Variants in RAB27A observed in about 807,000 individuals in gnomAD.
RAB27A encodes RAB27A, member RAS oncogene family.
RAB27A carries 17 observed loss-of-function variants against 20.8 expected under a neutral mutation model. The observed-to-expected ratio is 0.82, with a 90% CI of 0.56 to 1.23. The LOEUF is 1.23. Among genes scored for constraint, RAB27A ranks in the 50% most tolerant of loss-of-function variants. The pLI is 0.00. For synonymous variants in RAB27A, 85 were observed against 92.8 expected, an observed-to-expected ratio of 0.92 and a Z score of 0.48; for missense variants, 277 against 266.7, an observed-to-expected ratio of 1.04 and a Z score of -0.27.
chr15:55,275,918 T>TAAAAAAAAAAAAA (rs60106785), intron 1 of RAB27A, among the ~76,000 whole-genome samples: 2 of 104,130 alleles, frequency 1.9e-5, no homozygotes, highest in African/African-American at 3.8e-5. Flanking sequence ...GATGGCTAAT[T>TAAAAAAAAAAAAA]AAAAAAAAAA....
At position 55,311,470 on chromosome 15, in the gene RAB27A, G is replaced by A. The variant is rs529884935; in HGVS notation, c.-112+2569C>T. Among the ~76,000 whole-genome samples the A allele has an allele frequency of 1.6e-4, 22 of 137,216 alleles. 1 individual carries two copies. Among genetic ancestry groups the A allele is most frequent in the African/African-American group, 5.5e-4 (22 of 39,996 alleles). The allele number at this position is 137,216 out of a possible 152,430, so 90.0% of individuals were successfully genotyped here. ...CTCCTTTTGGACAGTTTGGGTTGAAGGGGGGTCCTTATTAGTTGGGGAAGG... is the reference window on the plus strand; with the variant it reads ...CTCCTTTTGGACAGTTTGGGTTGAAAGGGGGTCCTTATTAGTTGGGGAAGG... On this transcript the variant is annotated intron_variant, in intron 2 of 5. Coordinates refer to the RAB27A transcript ENST00000563262.
intron 2 of RAB27A, among the ~76,000 whole-genome samples, chr15:55,261,601 C>T (rs1595727851): frequency 7.2e-6 from 1 of 138,644 alleles, no homozygotes. Flanking sequence ...GTTAGCTAGG[C>T]TTGGGGGCGT....
chr15:55,312,437 T>G lies in RAB27A; in HGVS notation c.-112+1602A>C, dbSNP rs73415523. Among the ~76,000 whole-genome samples, 689 of 152,322 alleles carry G rather than the reference T, an allele frequency of 4.5e-3. 3 individuals are homozygous for G. Among genetic ancestry groups the G allele is most frequent in the African/African-American group, 0.016 (650 of 41,562 alleles). The stretch of plus-strand genomic sequence containing the variant: ...CTGTAAGGGGAATTGCTAGGCCATA[T>G]AGTAGCTCTACGTTTAACCATTTGA... On this transcript the variant is annotated intron_variant, in intron 2 of 5. Transcript: ENST00000563262.
intron 2 of RAB27A, among the ~76,000 whole-genome samples, chr15:55,309,787 C>A (rs983672264): frequency 6.6e-6 from 1 of 152,088 alleles, no homozygotes; most frequent in Non-Finnish European, 1.5e-5. Context: ...CTTGCACTAA[C>A]CTCCACTGTC....
chr15:55,241,296 A>G (rs1052288552), intron 2 of RAB27A, among the ~76,000 whole-genome samples: 3 of 152,110 alleles, frequency 2.0e-5, no homozygotes, highest in African/African-American at 7.2e-5. Context: ...AATGACCTTA[A>G]TTTGGGATAT....
chr15:55,230,745 A>G (rs1389404448), intron 3 of RAB27A, among the ~76,000 whole-genome samples: 1 of 152,210 alleles, frequency 6.6e-6, no homozygotes, highest in Non-Finnish European at 1.5e-5. Context: ...TATAATAATT[A>G]GTTTACCTTT....
chr15:55,243,994 G>A (rs1288890632), intron 2 of RAB27A, among the ~76,000 whole-genome samples: 1 of 152,018 alleles, frequency 6.6e-6, no homozygotes. Context: ...AATAAACATG[G>A]AAAAGGAATA....
chr15:55,232,999 C>T (rs1437215789), intron 3 of RAB27A, among the ~76,000 whole-genome samples: 2 of 152,044 alleles, frequency 1.3e-5, no homozygotes, highest in Non-Finnish European at 2.9e-5. Flanking sequence ...GTGGCGGGTG[C>T]CTGTAATCCT....
At chr15:55,214,500 C>T (rs1409554485) in intron 6 of RAB27A, among the ~76,000 whole-genome samples, 1 of 152,242 alleles carries the variant, frequency 6.6e-6, no homozygotes, top group Non-Finnish European at 1.5e-5. Context: ...TGTTTATCCA[C>T]CCACCTGTGA....
intron 2 of RAB27A, among the ~76,000 whole-genome samples, chr15:55,242,374 T>C (rs1278145918): frequency 1.3e-5 from 2 of 152,196 alleles, no homozygotes; most frequent in Admixed American, 6.5e-5. Flanking sequence ...TTTTCTACTT[T>C]GTATGATCTG....
At chr15:55,266,432 G>A (rs1480197484) in intron 2 of RAB27A, among the ~76,000 whole-genome samples, 1 of 152,144 alleles carries the variant, frequency 6.6e-6, no homozygotes, top group East Asian at 1.9e-4. Flanking sequence ...GAATTGTGTT[G>A]GTGACAGTAG....
At chr15:55,309,090 C>T (rs1566941713) in intron 2 of RAB27A, among the ~76,000 whole-genome samples, 1 of 152,182 alleles carries the variant, frequency 6.6e-6, no homozygotes, top group African/African-American at 2.4e-5. Context: ...GCCTGGAAAG[C>T]CGCTTCTGCT....
chr15:55,239,885 CCTT>C (rs1446673585), intron 2 of RAB27A, among the ~76,000 whole-genome samples: 1 of 152,086 alleles, frequency 6.6e-6, no homozygotes, highest in East Asian at 1.9e-4. Flanking sequence ...AGGGCGACAG[CCTT>C]CTTATCTGAG....
At chr15:55,318,290 G>A (rs1332086861) in intron 1 of RAB27A, among the ~76,000 whole-genome samples, 3 of 150,978 alleles carry the variant, frequency 2.0e-5, no homozygotes, top group African/African-American at 7.3e-5. Flanking sequence ...GTAGAGACGG[G>A]GTTTCACCGT....
At chr15:55,214,224 C>T (rs1389436567) in intron 6 of RAB27A, among the ~76,000 whole-genome samples, 2 of 152,014 alleles carry the variant, frequency 1.3e-5, no homozygotes, top group South Asian at 2.1e-4. Context: ...ATCACGAAGT[C>T]GGGAGATCGA....
At chr15:55,238,153 CT>C (rs1201637239) in intron 2 of RAB27A, 2 of 152,068 alleles carry the variant, frequency 1.3e-5, no homozygotes, top group African/African-American at 2.4e-5. Context: ...AGACAATTAT[CT>C]GCTTTCTTGA....
At chr15:55,229,999 T>C (rs1261804180) in intron 4 of RAB27A, among the ~76,000 whole-genome samples, 1 of 152,192 alleles carries the variant, frequency 6.6e-6, no homozygotes, top group Non-Finnish European at 1.5e-5. Flanking sequence ...CAAGATTTCA[T>C]GTGGCTTATT....
intron 2 of RAB27A, among the ~76,000 whole-genome samples, chr15:55,240,743 T>C (rs1435242004): frequency 6.6e-6 from 1 of 152,158 alleles, no homozygotes; most frequent in Non-Finnish European, 1.5e-5. Flanking sequence ...CAGGAAGAGA[T>C]TCTATTTTAT....
chr15:55,287,486 G>T (rs1898187364), intron 1 of RAB27A, among the ~76,000 whole-genome samples: 1 of 152,184 alleles, frequency 6.6e-6, no homozygotes, highest in South Asian at 2.1e-4. Context: ...GGTGGCTCAT[G>T]CCTATGATCA....
Sources: gnomAD v4.1 joint callset for allele counts (sites outside exome capture counted in the v4.1 genomes callset) on GRCh38, gnomAD v4.1.1 for gene constraint, MANE v1.5 for transcripts, NCBI Gene and HGNC (gene_info 2026-07-23, HGNC 2026-07-21) for gene names.